ARSJ: variants seen among roughly 807,000 people sequenced by gnomAD.
The protein encoded by ARSJ is arylsulfatase J.
In ARSJ, 26 loss-of-function variants were observed where a neutral mutation model predicts 35.9. That is an observed-to-expected ratio of 0.72 (90% CI 0.53 to 1.00). ARSJ has a LOEUF of 1.00. ARSJ is among the 50% of genes least tolerant of loss of function. The pLI is 0.00. For missense variants in ARSJ, 667 were observed against 723.6 expected, an observed-to-expected ratio of 0.92 and a Z score of 0.90; for synonymous variants, 294 against 267.6, an observed-to-expected ratio of 1.10 and a Z score of -0.96.
At chr4:113,915,769 G>A (rs1238891210) in intron 1 of ARSJ, among the ~76,000 whole-genome samples, 1 of 152,160 alleles carries the variant, frequency 6.6e-6, no homozygotes, top group Non-Finnish European at 1.5e-5. Context: ...ATCTGCTGCA[G>A]GTAAAATACT....
chr4:113,927,509 C>T (rs775793553), intron 1 of ARSJ, among the ~76,000 whole-genome samples: 4 of 152,150 alleles, frequency 2.6e-5, no homozygotes, highest in Non-Finnish European at 2.9e-5. Flanking sequence ...GTTGATTTAC[C>T]CCTGACATAG....
chr4:113,927,751 G>A (rs1207848392), intron 1 of ARSJ, among the ~76,000 whole-genome samples: 3 of 152,210 alleles, frequency 2.0e-5, no homozygotes, highest in African/African-American at 7.2e-5. Flanking sequence ...AGATCCATCT[G>A]TCTTCTGCAC....
chr4:113,907,752 C>T (rs1171531363), intron 1 of ARSJ, among the ~76,000 whole-genome samples: 2 of 152,138 alleles, frequency 1.3e-5, no homozygotes, highest in Admixed American at 6.5e-5. Context: ...GAATACTATA[C>T]AGCCATAAAA....
At chr4:113,942,365 A>G (rs967767353) in intron 1 of ARSJ, among the ~76,000 whole-genome samples, 1 of 152,058 alleles carries the variant, frequency 6.6e-6, no homozygotes, top group Non-Finnish European at 1.5e-5. Flanking sequence ...CAGTTAACCT[A>G]CAAAGTACCT....
intron 1 of ARSJ, among the ~76,000 whole-genome samples, chr4:113,953,844 C>A (rs1726008357): frequency 6.6e-6 from 1 of 151,784 alleles, no homozygotes; most frequent in Admixed American, 6.6e-5. Flanking sequence ...AGAGAAAGTT[C>A]AAAAAATGAT....
At chr4:113,936,290 G>A (rs1254596190) in intron 1 of ARSJ, among the ~76,000 whole-genome samples, 1 of 151,876 alleles carries the variant, frequency 6.6e-6, no homozygotes, top group Non-Finnish European at 1.5e-5. Context: ...ACTCATCACT[G>A]ATAAGTGATA....
In ARSJ at chr4:113,902,340, T is replaced by C. The variant is rs1030082173; in HGVS notation, c.1734A>G (p.Lys578=). The C allele has an allele frequency of 5.6e-6, 9 of 1,613,476 alleles. No homozygotes were observed. The highest frequency in any genetic ancestry group is 7.6e-6 in the Non-Finnish European group (9 of 1,179,948). Residue 578 remains lysine, a synonymous_variant, in exon 2 of 2, where the codon AAA becomes AAG. Coordinates refer to ENST00000315366, the MANE Select transcript of ARSJ (RefSeq NM_024590.4). ...QAEKKQKKSK[K]KKKKQQKAVS... ...CTGCTTTCTGCTGTTTCTTCTTCTT[T>C]TTTTTGCTTTTCTTTTGCTTTTTCT...
intron 1 of ARSJ, among the ~76,000 whole-genome samples, chr4:113,926,291 T>C (rs193169421): frequency 2.0e-5 from 3 of 152,264 alleles, no homozygotes; most frequent in African/African-American, 7.2e-5. Context: ...CATGAATCAG[T>C]ATATAATTGC....
At chr4:113,904,174 C>T (rs2099668013) in intron 1 of ARSJ, among the ~76,000 whole-genome samples, 1 of 152,142 alleles carries the variant, frequency 6.6e-6, no homozygotes, top group South Asian at 2.1e-4. Context: ...AGTGATCTAC[C>T]TGCCTTGGCC....
chr4:113,909,254 G>C (rs1019088445), intron 1 of ARSJ, among the ~76,000 whole-genome samples: 1 of 152,092 alleles, frequency 6.6e-6, no homozygotes, highest in African/African-American at 2.4e-5. Context: ...AGGACTAATG[G>C]TCAATATTAT....
intron 1 of ARSJ, among the ~76,000 whole-genome samples, chr4:113,930,057 AC>A (rs1724331048): frequency 6.6e-6 from 1 of 151,986 alleles, no homozygotes; most frequent in Admixed American, 6.6e-5. Flanking sequence ...AACTCCAGAA[AC>A]CCCAAAACCA....
intron 1 of ARSJ, among the ~76,000 whole-genome samples, chr4:113,947,924 C>T (rs937962012): frequency 6.6e-6 from 1 of 152,008 alleles, no homozygotes; most frequent in Non-Finnish European, 1.5e-5. Flanking sequence ...CATGGTGGCT[C>T]GTGCCTATAA....
intron 1 of ARSJ, among the ~76,000 whole-genome samples, chr4:113,921,981 T>C (rs900071899): frequency 1.3e-5 from 2 of 152,170 alleles, no homozygotes; most frequent in African/African-American, 4.8e-5. Context: ...GCCATCATGC[T>C]TGGACAACAT....
intron 1 of ARSJ, among the ~76,000 whole-genome samples, chr4:113,913,500 T>C (rs938189174): frequency 1.3e-5 from 2 of 152,158 alleles, no homozygotes; most frequent in African/African-American, 4.8e-5. Flanking sequence ...AATATATAAG[T>C]TACAAACTAC....
At chr4:113,936,098 A>T (rs1724750257) in intron 1 of ARSJ, among the ~76,000 whole-genome samples, 1 of 151,962 alleles carries the variant, frequency 6.6e-6, no homozygotes, top group Admixed American at 6.6e-5. Context: ...GTCAGGCTCC[A>T]TGCAGGCAGG....
At chr4:113,916,830 T>C (rs1723336140) in intron 1 of ARSJ, among the ~76,000 whole-genome samples, 1 of 152,212 alleles carries the variant, frequency 6.6e-6, no homozygotes, top group Non-Finnish European at 1.5e-5. Context: ...CACAGTGCTC[T>C]ATGGGGAGAC....
intron 1 of ARSJ, among the ~76,000 whole-genome samples, chr4:113,923,650 C>A (rs1240018967): frequency 6.6e-6 from 1 of 151,906 alleles, no homozygotes; most frequent in African/African-American, 2.4e-5. Context: ...TTTCCAACAT[C>A]CTATTTGCAC....
intron 1 of ARSJ, among the ~76,000 whole-genome samples, chr4:113,955,754 T>C (rs1726141933): frequency 1.3e-5 from 2 of 152,106 alleles, no homozygotes; most frequent in South Asian, 4.1e-4. Flanking sequence ...AAAAAACTTT[T>C]AAACCATAAA....
At chr4:113,960,538 G>A (rs776793424) in intron 1 of ARSJ, among the ~76,000 whole-genome samples, 14 of 151,922 alleles carry the variant, frequency 9.2e-5, no homozygotes, top group Non-Finnish European at 1.8e-4. Context: ...TGATTCTGGT[G>A]TATTCATCAA....
Sources: gnomAD v4.1 joint callset for allele counts (sites outside exome capture counted in the v4.1 genomes callset) on GRCh38, gnomAD v4.1.1 for gene constraint, MANE v1.5 for transcripts, NCBI Gene and HGNC (gene_info 2026-07-23, HGNC 2026-07-21) for gene names.